The following SNTG1 variants were observed in gnomAD, a reference collection of about 807,000 sequenced individuals.
SNTG1 encodes syntrophin gamma 1.
Under a neutral mutation model 74.7 loss-of-function variants are expected in SNTG1, and 39 were observed. That is an observed-to-expected ratio of 0.52 (90% CI 0.40 to 0.68). The LOEUF (loss-of-function observed/expected upper bound fraction) is 0.68. Ranked by LOEUF, SNTG1 falls within the 30% of genes least tolerant of loss-of-function variation. SNTG1 has a pLI of 0.00. For missense variants in SNTG1, 685 were observed against 609.5 expected (o/e 1.12, Z -1.30); for synonymous variants, 254 against 217.1 (o/e 1.17, Z -1.49).
intron 12 of SNTG1, among the ~76,000 whole-genome samples, chr8:50,571,818 T>C (rs1212096750): frequency 6.6e-6 from 1 of 152,130 alleles, no homozygotes; most frequent in East Asian, 1.9e-4. Flanking sequence ...TGTTAAGCAG[T>C]AGATGAAAGG....
Position 50,123,034 on chromosome 8 carries a change from G to A in SNTG1, c.-102-49527G>A, listed in dbSNP as rs530239345. Among the ~76,000 whole-genome samples the A allele has an allele frequency of 5.6e-5, 8 of 142,540 alleles. 1 individual carries two copies. The highest frequency in any genetic ancestry group is 1.3e-4 in the Non-Finnish European group (8 of 63,974). The allele number at this position is 142,540 out of a possible 152,430, so 93.5% of individuals were successfully genotyped here. On this transcript the variant is annotated intron_variant, in intron 1 of 18. Transcript: ENST00000642720. ...AGATTCAGAAACTAAGCGGAAGCCC[G>A]TGGCAGACCAGGTCATCAATACTGC...
At chr8:50,274,853 A>C (rs192439316) in intron 2 of SNTG1, among the ~76,000 whole-genome samples, 179 of 152,334 alleles carry the variant, frequency 1.2e-3, no homozygotes, top group African/African-American at 3.9e-3. Flanking sequence ...GATTGATTAC[A>C]TAATTGATTT....
At chr8:50,026,969 A>C (rs1375044950) in intron 1 of SNTG1, among the ~76,000 whole-genome samples, 1 of 152,150 alleles carries the variant, frequency 6.6e-6, no homozygotes, top group African/African-American at 2.4e-5. Flanking sequence ...TCTGGTTTCC[A>C]TTCCCTCTGG....
chr8:50,513,582 G>A (rs569365111), intron 9 of SNTG1, among the ~76,000 whole-genome samples: 1 of 152,206 alleles, frequency 6.6e-6, no homozygotes, highest in Admixed American at 6.5e-5. Flanking sequence ...AGCTTCCTGG[G>A]TGCTTTGTCT....
In SNTG1 at chr8:50,290,692, G is replaced by A. The variant is rs574336601; in HGVS notation, c.-27-103520G>A. On this transcript the variant is annotated intron_variant, in intron 2 of 18. Coordinates refer to ENST00000642720, the MANE Select transcript of SNTG1 (RefSeq NM_018967.5). ...TCTTCTTGAGGACAAAATCTAGTCA[G>A]TTATCATATTAATAATAACTGTACT... is the stretch of plus-strand genomic sequence containing the variant. 4.7e-4 allele frequency among the ~76,000 whole-genome samples: 72 copies of A among 152,140 alleles called. 1 individual carries two copies. Among genetic ancestry groups the A allele is most frequent in the African/African-American group, 1.5e-3 (64 of 41,502 alleles).
intron 4 of SNTG1, among the ~76,000 whole-genome samples, chr8:50,422,139 C>T (rs1040631581): frequency 6.6e-6 from 1 of 152,158 alleles, no homozygotes; most frequent in Non-Finnish European, 1.5e-5. Flanking sequence ...TCACAAAAGA[C>T]AGGCTAATAA....
At chr8:50,162,077 A>G (rs954734216) in intron 1 of SNTG1, among the ~76,000 whole-genome samples, 8 of 152,280 alleles carry the variant, frequency 5.3e-5, no homozygotes, top group Middle Eastern at 3.4e-3. Context: ...TGAATTGTAC[A>G]GCGTCAGGGA....
chr8:50,545,491 A>T (rs113795766), intron 11 of SNTG1, among the ~76,000 whole-genome samples: 6 of 147,022 alleles, frequency 4.1e-5, no homozygotes, highest in African/African-American at 1.5e-4. Context: ...ATGTTATATA[A>T]ATATATATAT....
At chr8:50,218,821 GT>G (rs2084918451) in intron 2 of SNTG1, among the ~76,000 whole-genome samples, 1 of 152,156 alleles carries the variant, frequency 6.6e-6, no homozygotes, top group Non-Finnish European at 1.5e-5. Flanking sequence ...TTTATGTAGA[GT>G]TGAGTTGACA....
intron 1 of SNTG1, among the ~76,000 whole-genome samples, chr8:49,959,303 T>C (rs1226662430): frequency 6.6e-6 from 1 of 152,174 alleles, no homozygotes; most frequent in South Asian, 2.1e-4. Flanking sequence ...TCTTTTCTGT[T>C]ATTCTTGATT....
chr8:50,119,409 A>C (rs1397097763), intron 1 of SNTG1, among the ~76,000 whole-genome samples: 1 of 141,040 alleles, frequency 7.1e-6, no homozygotes, highest in Admixed American at 7.4e-5. Context: ...GCTTGTTCCC[A>C]GGATTCCTAT....
intron 11 of SNTG1, among the ~76,000 whole-genome samples, chr8:50,552,355 G>A (rs1216037977): frequency 6.6e-6 from 1 of 152,052 alleles, no homozygotes; most frequent in African/African-American, 2.4e-5. Flanking sequence ...TCATTTAATT[G>A]TCTATGACAA....
chr8:50,603,651 T>C (rs1438962721), intron 13 of SNTG1, among the ~76,000 whole-genome samples: 1 of 152,136 alleles, frequency 6.6e-6, no homozygotes, highest in East Asian at 1.9e-4. Context: ...GTACCTTTCT[T>C]TCTTGGGGAG....
At chr8:50,246,848 C>T (rs538501593) in intron 2 of SNTG1, among the ~76,000 whole-genome samples, 1 of 152,308 alleles carries the variant, frequency 6.6e-6, no homozygotes, top group South Asian at 2.1e-4. Flanking sequence ...GACTAAACTA[C>T]TTCAACCTCT....
intron 1 of SNTG1, among the ~76,000 whole-genome samples, chr8:50,149,752 T>C (rs2081998622): frequency 6.6e-6 from 1 of 152,194 alleles, no homozygotes; most frequent in Non-Finnish European, 1.5e-5. Flanking sequence ...TTGGTCTATA[T>C]CTCTGTTTTG....
At chr8:50,345,693 C>T (rs575678428) in intron 2 of SNTG1, among the ~76,000 whole-genome samples, 11 of 152,192 alleles carry the variant, frequency 7.2e-5, no homozygotes, top group Non-Finnish European at 1.3e-4. Context: ...TGACTATAGA[C>T]GTTTATCAAT....
chr8:50,188,954 G>T (rs143579360), intron 2 of SNTG1, among the ~76,000 whole-genome samples: 2 of 152,200 alleles, frequency 1.3e-5, no homozygotes, highest in Non-Finnish European at 2.9e-5. Flanking sequence ...TAGCAGCCTG[G>T]ATCTGTTCAG....
intron 1 of SNTG1, among the ~76,000 whole-genome samples, chr8:50,160,260 A>C (rs908246814): frequency 1.3e-5 from 2 of 152,188 alleles, no homozygotes; most frequent in Admixed American, 1.3e-4. Flanking sequence ...CTGACACATA[A>C]ACGTTGTTAC....
chr8:50,345,162 G>A (rs931638855), intron 2 of SNTG1, among the ~76,000 whole-genome samples: 4 of 152,196 alleles, frequency 2.6e-5, no homozygotes, highest in Non-Finnish European at 5.9e-5. Flanking sequence ...AAAGAATACA[G>A]ATTTGAATCA....
Sources: allele counts gnomAD v4.1 joint callset (sites outside exome capture counted in the v4.1 genomes callset), GRCh38; gene constraint gnomAD v4.1.1; transcripts MANE v1.5; gene names NCBI Gene and HGNC (gene_info 2026-07-23, HGNC 2026-07-21).